Variants in ASL observed in about 807,000 individuals in gnomAD.
ASL encodes argininosuccinase.
ASL carries 51 observed loss-of-function variants against 69.1 expected under a neutral mutation model. That is an observed-to-expected ratio of 0.74 (90% CI 0.59 to 0.93). The LOEUF is 0.93. ASL is among the 40% of genes least tolerant of loss of function. The pLI is 0.00. For missense variants in ASL, 540 were observed against 623.9 expected, an observed-to-expected ratio of 0.87 and a Z score of 1.43; for synonymous variants, 241 against 247.6, an observed-to-expected ratio of 0.97 and a Z score of 0.25.
chr7:66,086,438 C>T (rs1252919172), intron 6 of ASL, 147 bp from the exon 7 acceptor site: 3 of 868,218 alleles, frequency 3.5e-6, no homozygotes, highest in African/African-American at 1.7e-5. Context: ...ACTGATTTGT[C>T]CCTGGGAGAT....
Position 66,093,151 on chromosome 7 carries a change from A to G in ASL, c.*239A>G, listed in dbSNP as rs992918674. 9.8e-6 allele frequency: 6 copies of G among 612,664 alleles called. No homozygotes were observed. The highest frequency in any genetic ancestry group is 1.4e-5 in the Non-Finnish European group (5 of 350,986). The allele number at this position is 612,664 out of a possible 1,614,324, so 38.0% of individuals were successfully genotyped here. A position where few individuals can be genotyped will look rare whatever the true frequency, so the allele number is the denominator to read the frequency against. ...GCAACACAGGGAGACCCCCATCTCT[A>G]CTCAATAATAAAACAAATAGCCTGG... is the stretch of plus-strand genomic sequence containing the variant. On this transcript the variant is annotated 3_prime_UTR_variant, in exon 17 of 17. Coordinates refer to ENST00000304874, the MANE Select transcript of ASL (RefSeq NM_000048.4).
intron 13 of ASL, 79 bp downstream of exon 13, chr7:66,089,414 G>C (rs1403656926): frequency 6.5e-7 from 1 of 1,534,308 alleles, no homozygotes; most frequent in Non-Finnish European, 8.8e-7. Context: ...CCCACCCCGG[G>C]ATTGCCATAC....
At chr7:66,087,902 T>A in intron 10 of ASL, 111 bp downstream of exon 10, 3 of 1,396,068 alleles carry the variant, frequency 2.1e-6, no homozygotes, top group Non-Finnish European at 3.0e-6. Context: ...GTGGTGATAT[T>A]GTACACTGAA....
rs1419745148 is a variant in ASL at position 66,093,080 on chromosome 7, G to A, written c.*168G>A. On this transcript the variant is annotated 3_prime_UTR_variant, in exon 17 of 17. Transcript: ENST00000304874. ...GCCTGTAATCCCAGCACTTTGGAAGGGCAAGGTGCGAGGATGCTTGAGGCC... is the reference window on the plus strand; with the variant it reads ...GCCTGTAATCCCAGCACTTTGGAAGAGCAAGGTGCGAGGATGCTTGAGGCC... The A allele has an allele frequency of 8.8e-7, 1 of 1,140,124 alleles. No homozygotes were observed. The highest frequency in any genetic ancestry group is 1.2e-6 in the Non-Finnish European group (1 of 801,106). 70.6% of individuals were successfully genotyped at this position (1,140,124 alleles called of 1,614,324 possible). A position where few individuals can be genotyped will look rare whatever the true frequency, so the allele number is the denominator to read the frequency against.
chr7:66,082,753 AT>A, intron 4 of ASL, 126 bp from the exon 5 acceptor site: 1 of 1,183,918 alleles, frequency 8.4e-7, no homozygotes, highest in Non-Finnish European at 1.2e-6. Flanking sequence ...ATGGCGAGAG[AT>A]TTGGGGAGGA....
In ASL at chr7:66,081,803, A is replaced by G. The variant is rs1786509811; in HGVS notation, c.13A>G (p.Ser5Gly). ...TAATTGTTCTTGCTCTCCTGGCCAG[A>G]GTGGGAAGCTTTGGGGTGGCCGGTT... MASE[S>G]GKLWGGRFVG... is the part of the protein sequence containing the mutation. The change falls in exon 3 of 17, where the codon AGT (serine) becomes GGT (glycine). Residue 5 changes from serine (S) to glycine (G), a missense_variant and splice_region_variant. Coordinates refer to ENST00000304874, the MANE Select transcript of ASL (RefSeq NM_000048.4). 6.2e-7 allele frequency: 1 copy of G among 1,613,108 alleles called. No individual in the cohort carries two copies. The highest frequency in any genetic ancestry group is 8.5e-7 in the Non-Finnish European group (1 of 1,179,550).
At chr7:66,079,010 C>T (rs1379002539) in intron 2 of ASL, among the ~76,000 whole-genome samples, 3 of 151,800 alleles carry the variant, frequency 2.0e-5, no homozygotes, top group African/African-American at 2.4e-5. Context: ...CCCGGGTTCA[C>T]GCCATTCTCC....
intron 6 of ASL, 39 bp from the exon 7 acceptor site, chr7:66,086,546 T>A (rs1786666408): frequency 6.2e-7 from 1 of 1,608,310 alleles, no homozygotes; most frequent in South Asian, 1.1e-5. Flanking sequence ...AGGCCTTGCA[T>A]GAGCCTCCAC....
At chr7:66,082,520 A>G in intron 4 of ASL, 69 bp downstream of exon 4, 1 of 1,502,740 alleles carries the variant, frequency 6.7e-7, no homozygotes, top group Non-Finnish European at 9.1e-7. Context: ...CACTTTGAGC[A>G]TTAGCACCAT....
In ASL at chr7:66,081,896, G is replaced by T; in HGVS notation, c.106G>T (p.Glu36Ter). The T allele has an allele frequency of 6.2e-7, 1 of 1,614,038 alleles. No individual in the cohort carries two copies. Among genetic ancestry groups the T allele is most frequent in the South Asian group, 1.1e-5 (1 of 91,076 alleles). The change falls in exon 3 of 17, where the codon GAG becomes TAG. Residue 36 changes from glutamate to a stop codon, truncating the protein, a stop_gained. Coordinates refer to ENST00000304874, the MANE Select transcript of ASL (RefSeq NM_000048.4). LOFTEE classifies it high-confidence loss of function. ...ASIAYDRHLW[E>*]VDVQGSKAYS... ...CATTGCCTACGACCGGCACCTTTGG[G>T]AGGTGGATGTTCAAGGCAGCAAAGC... is the stretch of plus-strand genomic sequence containing the variant.
intron 8 of ASL, 145 bp from the exon 9 acceptor site, chr7:66,087,189 T>C (rs1786689126): frequency 4.3e-6 from 4 of 925,542 alleles, no homozygotes; most frequent in African/African-American, 1.6e-5. Flanking sequence ...GGGAAGAGGC[T>C]AAGCGCCAGG....
At chr7:66,085,392 G>T (rs1462085589) in intron 6 of ASL, among the ~76,000 whole-genome samples, 1 of 152,014 alleles carries the variant, frequency 6.6e-6, no homozygotes, top group African/African-American at 2.4e-5. Flanking sequence ...GAATCTCTTG[G>T]ACCTGGGAGG....
rs137955991 is a variant in ASL at position 66,082,747 on chromosome 7, C to T, written c.292-133C>T. The T allele has an allele frequency of 4.1e-4, 459 of 1,108,520 alleles. 2 individuals carry two copies. In the Middle Eastern group the frequency reaches 5.0e-3, roughly 12 times the overall value. 68.7% of individuals were successfully genotyped at this position (1,108,520 alleles called of 1,614,324 possible). A position where few individuals can be genotyped will look rare whatever the true frequency, so the allele number is the denominator to read the frequency against. On this transcript the variant is annotated intron_variant, in intron 4 of 16. Transcript: ENST00000304874. Reference sequence around the variant, plus strand: ...AAAGAACAGGCCTCAGCAGAAATGGCGAGAGATTTGGGGAGGACCCGGAGC... The same window carrying T: ...AAAGAACAGGCCTCAGCAGAAATGGTGAGAGATTTGGGGAGGACCCGGAGC...
Position 66,089,660 on chromosome 7 carries a change from C to A in ASL, c.1027C>A (p.Leu343Ile), listed in dbSNP as rs776370325. The A allele has an allele frequency of 1.9e-6, 3 of 1,613,956 alleles. No homozygotes were observed. The highest frequency in any genetic ancestry group is 2.5e-6 in the Non-Finnish European group (3 of 1,180,032). ...AGTGTCAGACACTATGAGTGCCGTG[C>A]TCCAGGTGGCCACTGGCGTCATCTC... ...FEVSDTMSAVLQVATGVISTL... is the reference protein window; with the variant it reads ...FEVSDTMSAVIQVATGVISTL... The change falls in exon 14 of 17, where the codon CTC becomes ATC. Residue 343 changes from leucine to isoleucine, a missense_variant. Transcript: ENST00000304874.
At chr7:66,082,618 T>G (rs995193018) in intron 4 of ASL, among the ~76,000 whole-genome samples, 167 bp downstream of exon 4, 2 of 151,828 alleles carry the variant, frequency 1.3e-5, no homozygotes, top group Non-Finnish European at 2.9e-5. Context: ...CCTAGCACTT[T>G]GGGAGGCTGA....
chr7:66,082,053 C>T, intron 3 of ASL, 56 bp downstream of exon 3: 1 of 1,551,334 alleles, frequency 6.4e-7, no homozygotes, highest in Non-Finnish European at 8.7e-7. Context: ...CCCCAGGCTC[C>T]CACCAAATCC....
intron 10 of ASL, 57 bp downstream of exon 10, chr7:66,087,848 G>A: frequency 1.2e-6 from 2 of 1,603,936 alleles, no homozygotes; most frequent in Non-Finnish European, 1.7e-6. Context: ...CTTCAGCCCA[G>A]CTTCTCTCCA....
Position 66,088,868 on chromosome 7 carries a change from C to T in ASL, c.780C>T (p.Leu260=), listed in dbSNP as rs143359899. Residue 260 remains leucine (L), a synonymous_variant, in exon 11 of 17, where the codon CTC becomes CTT. Transcript: ENST00000304874. ...MTHLSRMAED[L]ILYCTKEFSF... ...ATCTCAGCAGGATGGCCGAGGACCT[C>T]ATCCTCTACTGCACCAAGGAATTCA... 6.2e-7 allele frequency: 1 copy of T among 1,614,090 alleles called. No homozygotes were observed.
chr7:66,089,479 C>T (rs1786780225), intron 13 of ASL, 133 bp from the exon 14 acceptor site: 5 of 1,428,786 alleles, frequency 3.5e-6, no homozygotes, highest in Non-Finnish European at 4.8e-6. Context: ...AACTCTCTGC[C>T]CTTCCTTTGT....
Sources: gnomAD v4.1 joint callset for allele counts (sites outside exome capture counted in the v4.1 genomes callset) on GRCh38, gnomAD v4.1.1 for gene constraint, MANE v1.5 for transcripts, NCBI Gene and HGNC (gene_info 2026-07-23, HGNC 2026-07-21) for gene names.